Variants in ADK observed in about 807,000 individuals in gnomAD.
ADK encodes N6,N6-dimethyladenosine kinase.
Under a neutral mutation model 44.7 loss-of-function variants are expected in ADK, and 24 were observed. The ratio of observed to expected loss-of-function variants is 0.54; its 90% CI spans 0.39 to 0.76. The LOEUF is 0.76. Ranked by LOEUF, ADK falls within the 30% of genes least tolerant of loss-of-function variation. The pLI, the probability that ADK is intolerant of heterozygous loss-of-function variation, is 0.00. For missense variants in ADK, 321 were observed against 425.1 expected (o/e 0.76, Z 2.15); for synonymous variants, 128 against 142.6 (o/e 0.90, Z 0.73).
At chr10:74,341,972 TA>T (rs911604608) in intron 4 of ADK, among the ~76,000 whole-genome samples, 49 of 152,106 alleles carry the variant, frequency 3.2e-4, no homozygotes, top group African/African-American at 1.2e-3. Context: ...CTTCTTCCCA[TA>T]AGGAAATTAA....
chr10:74,635,564 A>G (rs1177037969), intron 9 of ADK, among the ~76,000 whole-genome samples: 1 of 152,168 alleles, frequency 6.6e-6, no homozygotes, highest in Non-Finnish European at 1.5e-5. Flanking sequence ...AACATAAAAA[A>G]CAGCAGTTTT....
At chr10:74,591,045 C>T (rs1851698907) in intron 8 of ADK, among the ~76,000 whole-genome samples, 1 of 152,078 alleles carries the variant, frequency 6.6e-6, no homozygotes. Flanking sequence ...TGTTATATAA[C>T]ATGATCATGA....
At chr10:74,383,267 G>A (rs1843032067) in intron 4 of ADK, among the ~76,000 whole-genome samples, 1 of 151,946 alleles carries the variant, frequency 6.6e-6, no homozygotes, top group South Asian at 2.1e-4. Context: ...CTTTTATTCT[G>A]TACTTTAGGA....
chr10:74,564,492 G>T (rs1486461681), intron 7 of ADK, among the ~76,000 whole-genome samples: 3 of 151,836 alleles, frequency 2.0e-5, no homozygotes, highest in Admixed American at 2.0e-4. Context: ...TTCTTTCAAG[G>T]TCCAACACAG....
intron 7 of ADK, among the ~76,000 whole-genome samples, chr10:74,529,129 GAATA>G: frequency 6.6e-6 from 1 of 152,036 alleles, no homozygotes; most frequent in Non-Finnish European, 1.5e-5. Context: ...ATCAACAGAT[GAATA>G]AACAAAATTT....
At chr10:74,397,056 G>A (rs2132844909) in intron 5 of ADK, among the ~76,000 whole-genome samples, 1 of 152,022 alleles carries the variant, frequency 6.6e-6, no homozygotes, top group East Asian at 1.9e-4. Context: ...TTAGTATCTG[G>A]TACCAGAAAT....
rs148713363 is a variant in ADK, at chr10:74,526,615, C to T, written c.726+1189C>T. ...ACATAAAAATTGACCTGGAAGTTTA[C>T]GAGATCACCTGGGTAAAGATTAAAG... is the stretch of plus-strand genomic sequence containing the variant. On this transcript the variant is annotated intron_variant, in intron 7 of 10. Coordinates refer to ENST00000539909, the MANE Select transcript of ADK (RefSeq NM_006721.4). Among the ~76,000 whole-genome samples, 387 of 152,200 alleles carry T rather than the reference C, an allele frequency of 2.5e-3. 2 individuals carry two copies. Among genetic ancestry groups the T allele is most frequent in the African/African-American group, 8.8e-3 (367 of 41,516 alleles).
intron 1 of ADK, among the ~76,000 whole-genome samples, chr10:74,185,521 AT>A (rs11368451): frequency 0.3 from 43,309 of 144,670 alleles, 8,058 homozygotes; most frequent in Non-Finnish European, 0.43. Context: ...CAACAATATA[AT>A]TTTTTTTTTT....
intron 2 of ADK, among the ~76,000 whole-genome samples, chr10:74,203,679 C>G (rs775302226): frequency 6.6e-6 from 1 of 151,732 alleles, no homozygotes; most frequent in Non-Finnish European, 1.5e-5. Context: ...CTGGCCTGTA[C>G]GACACTGTTT....
chr10:74,322,603 C>T lies in ADK; in HGVS notation c.273+7858C>T, dbSNP rs151068926. On this transcript the variant is annotated intron_variant, in intron 4 of 10. Transcript: ENST00000539909. ...GATGAAGGAAGCAGTGGCTTGCTGTCCTCAATTATATTTTTGATGTGTTTG... is the reference window on the plus strand; with the variant it reads ...GATGAAGGAAGCAGTGGCTTGCTGTTCTCAATTATATTTTTGATGTGTTTG... 8.5e-4 allele frequency among the ~76,000 whole-genome samples: 130 copies of T among 152,200 alleles called. 3 individuals carry two copies. The East Asian group carries it at 0.023, about 27-fold the overall frequency.
chr10:74,658,489 T>G (rs1854575042), intron 9 of ADK, among the ~76,000 whole-genome samples: 1 of 152,148 alleles, frequency 6.6e-6, no homozygotes, highest in African/African-American at 2.4e-5. Flanking sequence ...TGGAGTGCAG[T>G]GGTGCTATCA....
intron 10 of ADK, among the ~76,000 whole-genome samples, chr10:74,673,435 G>A (rs1335750367): frequency 1.3e-5 from 2 of 152,152 alleles, no homozygotes; most frequent in African/African-American, 2.4e-5. Context: ...CAGCAGGAGC[G>A]AACTTCACTC....
At chr10:74,240,898 T>C (rs1321025990) in intron 3 of ADK, among the ~76,000 whole-genome samples, 1 of 152,232 alleles carries the variant, frequency 6.6e-6, no homozygotes, top group Non-Finnish European at 1.5e-5. Flanking sequence ...TTATATGATA[T>C]GAAGCACTTC....
At chr10:74,196,227 G>T (rs1439846017) in intron 1 of ADK, among the ~76,000 whole-genome samples, 1 of 151,964 alleles carries the variant, frequency 6.6e-6, no homozygotes, top group South Asian at 2.1e-4. Flanking sequence ...TGTTGCATAC[G>T]TTCTCCCTTG....
intron 3 of ADK, among the ~76,000 whole-genome samples, chr10:74,310,611 CT>C (rs1437471861): frequency 6.6e-6 from 1 of 152,152 alleles, no homozygotes; most frequent in Non-Finnish European, 1.5e-5. Flanking sequence ...GTCTGCTTCT[CT>C]TTACTCTGTC....
At chr10:74,425,004 G>A (rs1592193921) in intron 6 of ADK, among the ~76,000 whole-genome samples, 1 of 152,122 alleles carries the variant, frequency 6.6e-6, no homozygotes, top group South Asian at 2.1e-4. Context: ...TTTGCTGTCT[G>A]TTGTTTCTGC....
At chr10:74,395,440 T>C (rs1843475341) in intron 5 of ADK, among the ~76,000 whole-genome samples, 1 of 152,204 alleles carries the variant, frequency 6.6e-6, no homozygotes, top group African/African-American at 2.4e-5. Flanking sequence ...ATGAAAGGCA[T>C]TTTCAGATCT....
At chr10:74,421,949 A>T (rs978728128) in intron 6 of ADK, among the ~76,000 whole-genome samples, 1 of 152,118 alleles carries the variant, frequency 6.6e-6, no homozygotes, top group Non-Finnish European at 1.5e-5. Flanking sequence ...GAAGAGATAA[A>T]TCTCCCTGAC....
chr10:74,631,915 C>T (rs903290994), intron 9 of ADK, among the ~76,000 whole-genome samples: 1 of 152,130 alleles, frequency 6.6e-6, no homozygotes, highest in Non-Finnish European at 1.5e-5. Flanking sequence ...TAACCAATCT[C>T]AGTTTTTTAC....
Sources: gnomAD v4.1 joint callset for allele counts (sites outside exome capture counted in the v4.1 genomes callset) on GRCh38, gnomAD v4.1.1 for gene constraint, MANE v1.5 for transcripts, NCBI Gene and HGNC (gene_info 2026-07-23, HGNC 2026-07-21) for gene names.